RAD51C: variants seen among roughly 807,000 people sequenced by gnomAD.
RAD51C encodes the protein DNA repair protein RAD51 homolog 3.
Under a neutral mutation model 45.0 loss-of-function variants are expected in RAD51C, and 42 were observed. The observed-to-expected ratio is 0.93, with a 90% CI of 0.73 to 1.21. The LOEUF is 1.21. Ranked by LOEUF, RAD51C falls within the 50% of genes most tolerant of loss-of-function variation. RAD51C has a pLI of 0.00. For synonymous variants in RAD51C, 172 were observed against 159.8 expected (o/e 1.08, Z -0.58); for missense variants, 474 against 452.2 (o/e 1.05, Z -0.44).
chr17:58,704,534 C>A (rs1028999898), intron 4 of RAD51C, among the ~76,000 whole-genome samples: 3 of 151,536 alleles, frequency 2.0e-5, no homozygotes, highest in Admixed American at 2.0e-4. Context: ...GAATCCTGTT[C>A]GGTCAGTTTA....
intron 3 of RAD51C, among the ~76,000 whole-genome samples, chr17:58,702,554 A>G (rs1429239483): frequency 6.6e-6 from 1 of 151,952 alleles, no homozygotes; most frequent in Non-Finnish European, 1.5e-5. Flanking sequence ...TTAGCTGGGC[A>G]TGGTGGCGAG....
rs1190868434 is a variant in RAD51C at position 58,732,469 on chromosome 17, T to G, written c.966-15T>G. ...TTCATGTGTTTGTATGTATTTATTC[T>G]TTTTCTTTAAGCAGGTTGGCAACAT... On this transcript the variant is annotated splice_polypyrimidine_tract_variant and intron_variant, in intron 7 of 8. Coordinates refer to ENST00000337432, the MANE Select transcript of RAD51C (RefSeq NM_058216.3). 1 of 1,608,126 alleles carries G rather than the reference T, an allele frequency of 6.2e-7. No individual in the cohort carries two copies. The highest frequency in any genetic ancestry group is 1.3e-5 in the African/African-American group (1 of 74,896).
chr17:58,723,252 C>G (rs1157972448), intron 6 of RAD51C, among the ~76,000 whole-genome samples: 2 of 152,006 alleles, frequency 1.3e-5, no homozygotes, highest in Non-Finnish European at 2.9e-5. Flanking sequence ...TGCACTGTGT[C>G]TGCATGATAT....
chr17:58,710,888 T>C (rs561923476), intron 5 of RAD51C, among the ~76,000 whole-genome samples: 1 of 152,266 alleles, frequency 6.6e-6, no homozygotes, highest in African/African-American at 2.4e-5. Flanking sequence ...ATACACACAT[T>C]TGTCTGGGAG....
At chr17:58,695,536 A>T in intron 2 of RAD51C, among the ~76,000 whole-genome samples, 1 of 152,232 alleles carries the variant, frequency 6.6e-6, no homozygotes, top group East Asian at 1.9e-4. Flanking sequence ...CTATAATCCC[A>T]GCACTTTGGG....
chr17:58,701,016 G>GC (rs2048194150), intron 3 of RAD51C, among the ~76,000 whole-genome samples: 1 of 152,076 alleles, frequency 6.6e-6, no homozygotes, highest in Non-Finnish European at 1.5e-5. Context: ...TCTCACTTCA[G>GC]CCCCCCAAGT....
intron 3 of RAD51C, among the ~76,000 whole-genome samples, chr17:58,700,948 T>C (rs922565113): frequency 2.6e-5 from 4 of 152,070 alleles, no homozygotes; most frequent in Non-Finnish European, 4.4e-5. Flanking sequence ...CCAGGCCGGA[T>C]TGCAGTGGCA....
chr17:58,720,894 G>C, intron 6 of RAD51C, 82 bp downstream of exon 6: 1 of 1,169,340 alleles, frequency 8.6e-7, no homozygotes, highest in Admixed American at 1.8e-5. Flanking sequence ...AGTACTATAC[G>C]CTTCATGAAA....
At chr17:58,703,813 G>A (rs555441215) in intron 4 of RAD51C, among the ~76,000 whole-genome samples, 7 of 151,862 alleles carry the variant, frequency 4.6e-5, no homozygotes, top group East Asian at 3.9e-4. Flanking sequence ...AAAATTAGCC[G>A]TGTGTGGTGT....
At position 58,735,318 on chromosome 17, in the gene RAD51C, C is replaced by T. The variant is rs2049591436; in HGVS notation, c.*1096C>T. 1 of 152,362 alleles carries T rather than the reference C, an allele frequency of 6.6e-6. No homozygotes were observed. Among genetic ancestry groups the T allele is most frequent in the Non-Finnish European group, 1.5e-5 (1 of 68,226 alleles). The allele number at this position is 152,362 out of a possible 1,614,324, so 9.4% of individuals were successfully genotyped here. The stretch of plus-strand genomic sequence containing the variant: ...TCAAGCAATCCTCTCACTTCAGCCT[C>T]CTGAGTAGCTGGGACTACAGGGAGG... On this transcript the variant is annotated 3_prime_UTR_variant, in exon 9 of 9. Transcript: ENST00000337432.
rs186697630 is a variant in RAD51C, at chr17:58,726,884, G to A, written c.965+2784G>A. Among the ~76,000 whole-genome samples, 256 of 152,086 alleles carry A rather than the reference G, an allele frequency of 1.7e-3. 7 individuals carry two copies. In the East Asian group the frequency reaches 0.04, roughly 24 times the overall value. On this transcript the variant is annotated intron_variant, in intron 7 of 8. Transcript: ENST00000337432. ...CGCCCAGGCTGGAGTGCAGTGGCGC[G>A]ATCTCGGCTCACTGCAAGCTCTGCC...
At position 58,696,644 on chromosome 17, in the gene RAD51C, C is replaced by T. The variant is rs116809738; in HGVS notation, c.405-49C>T. On this transcript the variant is annotated intron_variant, in intron 2 of 8. Transcript: ENST00000337432. Reference sequence around the variant, plus strand: ...CATTATCTGGAGTTCAAAAACACTACCTTAGATCATCATCATGATTTGGTT... The same window carrying T: ...CATTATCTGGAGTTCAAAAACACTATCTTAGATCATCATCATGATTTGGTT... 2,343 of 1,611,838 alleles carry T rather than the reference C, an allele frequency of 1.5e-3. 26 individuals are homozygous for T. The African/African-American group carries it at 0.027, about 19-fold the overall frequency.
chr17:58,695,091 C>T lies in RAD51C; in HGVS notation c.306C>T (p.Thr102=), dbSNP rs1567786291. The T allele has an allele frequency of 6.2e-7, 1 of 1,614,064 alleles. No homozygotes were observed. Residue 102 remains threonine (T), a synonymous_variant, in exon 2 of 9, where the codon ACC becomes ACT. Transcript: ENST00000337432. The part of the protein sequence containing the change: ...EQEHTQGFII[T]FCSALDDILG... The stretch of plus-strand genomic sequence containing the variant: ...AGCATACCCAGGGCTTCATAATCAC[C>T]TTCTGTTCAGCACTAGATGATATTC...
At chr17:58,728,404 CTT>C (rs71143283) in intron 7 of RAD51C, among the ~76,000 whole-genome samples, 4 of 129,700 alleles carry the variant, frequency 3.1e-5, no homozygotes, top group Non-Finnish European at 3.2e-5. Context: ...TTTTTTTTTT[CTT>C]TTTTTTTTTG....
Position 58,694,979 on chromosome 17 carries a change from G to C in RAD51C, c.194G>C (p.Arg65Thr), listed in dbSNP as rs2047943468. The C allele has an allele frequency of 1.9e-6, 3 of 1,613,998 alleles. No individual in the cohort carries two copies. The African/African-American group carries it at 4.0e-5, about 22-fold the overall frequency. ...GCCTTAGAAACTCTGCAAATTATCA[G>C]AAGAGAATGTCTCACAAATAAACCA... is the stretch of plus-strand genomic sequence containing the variant. ...AEALETLQII[R>T]RECLTNKPRY... The change falls in exon 2 of 9, where the codon AGA (arginine) becomes ACA (threonine). Residue 65 changes from arginine to threonine, a missense_variant. By Grantham distance (71) the Arg-to-Thr change is moderately conservative. Transcript: ENST00000337432.
chr17:58,727,897 C>A (rs2049230060), intron 7 of RAD51C, among the ~76,000 whole-genome samples: 1 of 150,818 alleles, frequency 6.6e-6, no homozygotes, highest in African/African-American at 2.4e-5. Flanking sequence ...TATTATACTT[C>A]AGGCTGGGCC....
At chr17:58,699,903 G>A (rs1002934769) in intron 3 of RAD51C, 1 of 152,072 alleles carries the variant, frequency 6.6e-6, no homozygotes, top group Admixed American at 6.6e-5. Context: ...GGGCTGGAGT[G>A]CAGTGGCGCA....
intron 7 of RAD51C, among the ~76,000 whole-genome samples, chr17:58,728,598 G>T (rs1054628152): frequency 6.6e-6 from 1 of 151,688 alleles, no homozygotes; most frequent in African/African-American, 2.4e-5. Context: ...GGGTTTTGCC[G>T]TGTTGCCCAG....
intron 6 of RAD51C, among the ~76,000 whole-genome samples, chr17:58,722,179 T>G (rs2048939503): frequency 6.6e-6 from 1 of 152,098 alleles, no homozygotes; most frequent in Non-Finnish European, 1.5e-5. Context: ...TACCAGGAAG[T>G]TGGGAAAGCA....
Sources: allele counts gnomAD v4.1 joint callset (sites outside exome capture counted in the v4.1 genomes callset), GRCh38; gene constraint gnomAD v4.1.1; transcripts MANE v1.5; gene names NCBI Gene and HGNC (gene_info 2026-07-23, HGNC 2026-07-21).